Variants in MYOZ1 observed in about 807,000 individuals in gnomAD.
MYOZ1 encodes myozenin 1, also known as myozenin-1.
A neutral mutation model predicts 28.7 loss-of-function variants in MYOZ1; 20 were observed. That is an observed-to-expected ratio of 0.70 (90% CI 0.49 to 1.01). The LOEUF (loss-of-function observed/expected upper bound fraction) is 1.01. Among genes scored for constraint, MYOZ1 ranks in the 50% least tolerant of loss-of-function variants. The probability of loss-of-function intolerance (pLI) is 0.00; values close to 1 mark genes in which losing one functional copy is unlikely to be tolerated. For synonymous variants in MYOZ1, 144 were observed against 145.8 expected (o/e 0.99, Z 0.09); for missense variants, 371 against 372.4 (o/e 1.00, Z 0.03).
intron 2 of MYOZ1, among the ~76,000 whole-genome samples, chr10:73,639,216 G>A (rs567760810): frequency 1.3e-5 from 2 of 152,048 alleles, no homozygotes; most frequent in Non-Finnish European, 2.9e-5. Context: ...TCCACCTCCC[G>A]GGTTCAAGCG....
At position 73,631,724 on chromosome 10, in the gene MYOZ1, T is replaced by C; in HGVS notation, c.*206A>G. On this transcript the variant is annotated 3_prime_UTR_variant, in exon 6 of 6. Transcript: ENST00000359322. ...ATTCCATAAACGAGCAGGTTCCATA[T>C]GGAGCAAGTAGAAGGGGAGCTCTGA... 1 of 557,884 alleles carries C rather than the reference T, an allele frequency of 1.8e-6. No individual in the cohort carries two copies. Among genetic ancestry groups the C allele is most frequent in the African/African-American group, 1.9e-5 (1 of 53,266 alleles). The allele number at this position is 557,884 out of a possible 1,614,324, so 34.6% of individuals were successfully genotyped here.
rs138483584 is a variant in MYOZ1 at position 73,640,113 on chromosome 10, C to A, written c.-18-78G>T. ...GAGTGTCTGTAGGAGAGCAGCACTT[C>A]TTAACCTGGGTTTAAGGGCTTGAGG... On this transcript the variant is annotated intron_variant, in intron 1 of 5. Coordinates refer to ENST00000359322, the MANE Select transcript of MYOZ1 (RefSeq NM_021245.4). 1.7e-3 allele frequency: 2,153 copies of A among 1,265,240 alleles called. 24 individuals carry two copies. In the African/African-American group the frequency reaches 0.029, roughly 17 times the overall value. 78.4% of individuals were successfully genotyped at this position (1,265,240 alleles called of 1,614,324 possible).
intron 3 of MYOZ1, among the ~76,000 whole-genome samples, 167 bp from the exon 4 acceptor site, chr10:73,634,900 T>C (rs1306388521): frequency 1.3e-5 from 2 of 152,222 alleles, no homozygotes; most frequent in East Asian, 3.8e-4. Context: ...CTAAGAGAAT[T>C]AAACTCTTCT....
At chr10:73,636,980 T>C (rs2081670482) in intron 3 of MYOZ1, among the ~76,000 whole-genome samples, 1 of 151,892 alleles carries the variant, frequency 6.6e-6, no homozygotes, top group African/African-American at 2.4e-5. Flanking sequence ...ATTTTATTCT[T>C]TGCCTTATCT....
chr10:73,639,391 GGATTACAGGCGT>G, intron 2 of MYOZ1, among the ~76,000 whole-genome samples: 1 of 152,142 alleles, frequency 6.6e-6, no homozygotes, highest in African/African-American at 2.4e-5. Context: ...CAAAGTTCTG[GGATTACAGGCGT>G]GAGCCACTGC....
rs1180489998 is a variant in MYOZ1 at position 73,632,087 on chromosome 10, C to T, written c.743G>A (p.Gly248Glu). The T allele has an allele frequency of 2.5e-6, 4 of 1,613,956 alleles. No individual in the cohort carries two copies. The highest frequency in any genetic ancestry group is 2.7e-5 in the African/African-American group (2 of 74,878). Reference sequence around the variant, plus strand: ...GACCAGGGGTTCACTCAGCAAGGGCCCCAGGTCAAACTTGGGCATCTGGAA... The same window carrying T: ...GACCAGGGGTTCACTCAGCAAGGGCTCCAGGTCAAACTTGGGCATCTGGAA... The part of the protein sequence containing the change: ...MTFQMPKFDL[G>E]PLLSEPLVLY... The change falls in exon 6 of 6, where the codon GGG becomes GAG. Residue 248 changes from glycine to glutamate, a missense_variant. Gly to Glu is a moderately conservative substitution (Grantham distance 98). Transcript: ENST00000359322.
intron 1 of MYOZ1, among the ~76,000 whole-genome samples, chr10:73,640,686 A>C (rs983113708): frequency 6.6e-6 from 1 of 152,138 alleles, no homozygotes; most frequent in East Asian, 1.9e-4. Context: ...GCTTGGCATG[A>C]TTTGAAGTTT....
chr10:73,634,206 G>A, intron 4 of MYOZ1, 141 bp from the exon 5 acceptor site: 1 of 1,113,956 alleles, frequency 9.0e-7, no homozygotes, highest in South Asian at 1.5e-5. Flanking sequence ...TAAGGTTTGT[G>A]GCATAATGAT....
At chr10:73,634,901 A>AT (rs2081658210) in intron 3 of MYOZ1, among the ~76,000 whole-genome samples, 168 bp from the exon 4 acceptor site, 1 of 152,168 alleles carries the variant, frequency 6.6e-6, no homozygotes, top group African/African-American at 2.4e-5. Context: ...TAAGAGAATT[A>AT]AACTCTTCTT....
At chr10:73,638,292 C>CATATATATATATATATATATATAT (rs56801610) in intron 2 of MYOZ1, among the ~76,000 whole-genome samples, 24 of 143,224 alleles carry the variant, frequency 1.7e-4, no homozygotes, top group African/African-American at 5.6e-4. Context: ...ATACAGATGC[C>CATATATATATATATATATATATAT]ATATATATAT....
chr10:73,638,991 GA>G (rs774307309), intron 2 of MYOZ1, among the ~76,000 whole-genome samples: 98 of 137,716 alleles, frequency 7.1e-4, no homozygotes, highest in Non-Finnish European at 9.1e-4. Context: ...TTTTTTAATG[GA>G]AATGAGGTCT....
At chr10:73,636,092 C>G (rs1264360043) in intron 3 of MYOZ1, among the ~76,000 whole-genome samples, 1 of 152,154 alleles carries the variant, frequency 6.6e-6, no homozygotes, top group African/African-American at 2.4e-5. Context: ...GGACCAATGA[C>G]AGACACTTCT....
Position 73,631,905 on chromosome 10 carries a change from G to T in MYOZ1, c.*25C>A. The T allele has an allele frequency of 1.9e-6, 3 of 1,595,902 alleles. No homozygotes were observed. Among genetic ancestry groups the T allele is most frequent in the African/African-American group, 1.3e-5 (1 of 74,654 alleles). Reference sequence around the variant, plus strand: ...CAAATTGGAGCCAGAGAGGGGAAATGATGCAAATCAGAGGAGGAAACACCT... The same window carrying T: ...CAAATTGGAGCCAGAGAGGGGAAATTATGCAAATCAGAGGAGGAAACACCT... On this transcript the variant is annotated 3_prime_UTR_variant, in exon 6 of 6. Transcript: ENST00000359322.
intron 2 of MYOZ1, among the ~76,000 whole-genome samples, chr10:73,639,068 A>G (rs1290479671): frequency 1.3e-5 from 2 of 150,868 alleles, no homozygotes; most frequent in Non-Finnish European, 3.0e-5. Context: ...CAGCCTCCCA[A>G]AGTGCTGCGA....
intron 2 of MYOZ1, 26 bp downstream of exon 2, chr10:73,639,919 A>G: frequency 6.2e-7 from 1 of 1,609,676 alleles, no homozygotes; most frequent in Non-Finnish European, 8.5e-7. Flanking sequence ...GAAGTCCCAC[A>G]CTAGGGAGAT....
chr10:73,637,921 A>T lies in MYOZ1; in HGVS notation c.75T>A (p.Gly25=). 6.2e-7 allele frequency: 1 copy of T among 1,605,090 alleles called. No individual in the cohort carries two copies. The highest frequency in any genetic ancestry group is 1.1e-5 in the South Asian group (1 of 89,396). ...SSKLIMELTG[G]GQESSGLNLG... ...GGTTCAAGCCTGAGCTCTCCTGTCC[A>T]CCTTTCAGGGAGGCAAAGAAGAAGA... The change falls in exon 3 of 6, where the codon GGT becomes GGA. Residue 25 remains glycine, a splice_region_variant and synonymous_variant. Transcript: ENST00000359322.
chr10:73,637,661 T>A, intron 3 of MYOZ1, 83 bp downstream of exon 3: 1 of 1,320,098 alleles, frequency 7.6e-7, no homozygotes, highest in Admixed American at 2.3e-5. Context: ...GGATGTTGAC[T>A]GCATTTTGGA....
At chr10:73,638,613 C>A (rs867071301) in intron 2 of MYOZ1, among the ~76,000 whole-genome samples, 1 of 151,492 alleles carries the variant, frequency 6.6e-6, no homozygotes, top group Admixed American at 6.6e-5. Flanking sequence ...GGATGACAGG[C>A]GTGAGCCGTG....
intron 1 of MYOZ1, 84 bp from the exon 2 acceptor site, chr10:73,640,119 CT>C (rs2081694730): frequency 8.1e-7 from 1 of 1,233,680 alleles, no homozygotes. Flanking sequence ...ACTTCTTAAC[CT>C]GGGTTTAAGG....
Sources: allele counts gnomAD v4.1 joint callset (sites outside exome capture counted in the v4.1 genomes callset), GRCh38; gene constraint gnomAD v4.1.1; transcripts MANE v1.5; gene names NCBI Gene and HGNC (gene_info 2026-07-23, HGNC 2026-07-21).